TMEM123: variants seen among roughly 807,000 people sequenced by gnomAD.
TMEM123 encodes the protein porimin.
TMEM123 carries 16 observed loss-of-function variants against 19.7 expected under a neutral mutation model. That is an observed-to-expected ratio of 0.81 (90% CI 0.55 to 1.23). The LOEUF (loss-of-function observed/expected upper bound fraction) is 1.23, where lower values mean the gene tolerates loss of function less well. Among genes scored for constraint, TMEM123 ranks in the 50% most tolerant of loss-of-function variants. The probability of loss-of-function intolerance (pLI) is 0.00; values close to 1 mark genes in which losing one functional copy is unlikely to be tolerated. For synonymous variants in TMEM123, 118 were observed against 99.4 expected, an observed-to-expected ratio of 1.19 and a Z score of -1.12; for missense variants, 313 against 257.8, an observed-to-expected ratio of 1.21 and a Z score of -1.47.
At chr11:102,427,266 A>T (rs1952136754) in intron 2 of TMEM123, among the ~76,000 whole-genome samples, 1 of 151,822 alleles carries the variant, frequency 6.6e-6, no homozygotes, top group Admixed American at 6.6e-5. Context: ...CACTTACATG[A>T]ACTCGATCAG....
chr11:102,448,096 C>T (rs1310206707), intron 2 of TMEM123: 2 of 385,598 alleles, frequency 5.2e-6, no homozygotes, highest in Non-Finnish European at 1.0e-5. Flanking sequence ...CATTAGAGTC[C>T]ATAAATATTC....
intron 2 of TMEM123, among the ~76,000 whole-genome samples, chr11:102,405,527 T>C (rs572061045): frequency 6.6e-6 from 1 of 152,332 alleles, no homozygotes; most frequent in South Asian, 2.1e-4. Context: ...AATTTAACAT[T>C]AAAATAATCA....
intron 2 of TMEM123, among the ~76,000 whole-genome samples, chr11:102,412,444 A>G (rs1025391353): frequency 1.1e-4 from 17 of 152,216 alleles, no homozygotes; most frequent in Admixed American, 3.3e-4. Flanking sequence ...AAAAGCAAAC[A>G]GAATCAACAG....
chr11:102,427,723 A>C (rs781696643), intron 2 of TMEM123, among the ~76,000 whole-genome samples: 12 of 151,092 alleles, frequency 7.9e-5, no homozygotes, highest in Non-Finnish European at 1.5e-4. Flanking sequence ...CTGTAGTCCC[A>C]GCTACTAGGG....
At chr11:102,452,499 GC>G (rs1857953272) in intron 1 of TMEM123, 24 bp downstream of exon 1, 2 of 1,491,798 alleles carry the variant, frequency 1.3e-6, no homozygotes, top group Non-Finnish European at 1.8e-6. Context: ...CACGAACGGG[GC>G]TGACGACCCC....
intron 2 of TMEM123, among the ~76,000 whole-genome samples, chr11:102,415,672 A>G (rs1405897719): frequency 6.6e-6 from 1 of 152,246 alleles, no homozygotes; most frequent in Non-Finnish European, 1.5e-5. Flanking sequence ...ACATGGCTAA[A>G]GCAGTGTTAA....
intron 2 of TMEM123, among the ~76,000 whole-genome samples, chr11:102,421,155 G>A (rs1400743189): frequency 2.6e-5 from 4 of 152,226 alleles, no homozygotes; most frequent in African/African-American, 9.6e-5. Context: ...CCTCCACTGG[G>A]TATGTACCAA....
chr11:102,437,654 T>C (rs1857778530), intron 2 of TMEM123, among the ~76,000 whole-genome samples: 1 of 152,106 alleles, frequency 6.6e-6, no homozygotes, highest in South Asian at 2.1e-4. Flanking sequence ...TTATTGTATC[T>C]GCTGTCTTGA....
At chr11:102,414,046 A>G (rs1952025587) in intron 2 of TMEM123, among the ~76,000 whole-genome samples, 1 of 152,242 alleles carries the variant, frequency 6.6e-6, no homozygotes, top group Admixed American at 6.5e-5. Flanking sequence ...TGAAAAATTC[A>G]TGACAAGGAT....
At chr11:102,427,311 T>C (rs1952137257) in intron 2 of TMEM123, among the ~76,000 whole-genome samples, 1 of 152,082 alleles carries the variant, frequency 6.6e-6, no homozygotes, top group South Asian at 2.1e-4. Flanking sequence ...AGCTTTTTGT[T>C]GACTGAATTT....
chr11:102,401,628 A>G lies in TMEM123; in HGVS notation c.513T>C (p.Gly171=), dbSNP rs1318372417. The G allele has an allele frequency of 6.2e-7, 1 of 1,609,056 alleles. No homozygotes were observed. Among genetic ancestry groups the G allele is most frequent in the Admixed American group, 1.7e-5 (1 of 58,490 alleles). ...GSKFDTGSFV[G]GIVLTLGVLS... The stretch of plus-strand genomic sequence containing the variant: ...AAACTCCCAGCGTTAATACAATACC[A>G]CCAACAAAGCTCCCAGTATCAAATT... The change falls in exon 4 of 5, where the codon GGT becomes GGC. Residue 171 remains glycine, a synonymous_variant. Coordinates refer to ENST00000398136, the MANE Select transcript of TMEM123 (RefSeq NM_052932.3).
At chr11:102,421,737 C>G (rs1952088777) in intron 2 of TMEM123, among the ~76,000 whole-genome samples, 1 of 152,066 alleles carries the variant, frequency 6.6e-6, no homozygotes, top group African/African-American at 2.4e-5. Context: ...GTAATGGTAC[C>G]AAACTGAAGA....
intron 2 of TMEM123, among the ~76,000 whole-genome samples, chr11:102,444,615 C>T (rs981380853): frequency 2.0e-5 from 3 of 151,844 alleles, no homozygotes; most frequent in African/African-American, 7.3e-5. Flanking sequence ...GTGCAGCACA[C>T]CAACATGGCA....
At chr11:102,432,588 A>C (rs903181719) in intron 2 of TMEM123, among the ~76,000 whole-genome samples, 3 of 152,232 alleles carry the variant, frequency 2.0e-5, no homozygotes, top group African/African-American at 7.2e-5. Flanking sequence ...AGAAAAGAAA[A>C]CCCATTCTCT....
At chr11:102,443,093 A>C (rs941922093) in intron 2 of TMEM123, among the ~76,000 whole-genome samples, 1 of 152,132 alleles carries the variant, frequency 6.6e-6, no homozygotes, top group African/African-American at 2.4e-5. Context: ...GACAGGAAGA[A>C]TCAATATCGT....
At position 102,422,016 on chromosome 11, in the gene TMEM123, G is replaced by A. The variant is rs373838329; in HGVS notation, c.158-19810C>T. ...TCTGAGCCTGGTGCTCTTGTCATTA[G>A]TTTAGTGTTTCTTAACAAAAATCTA... On this transcript the variant is annotated intron_variant, in intron 2 of 4. Coordinates refer to ENST00000398136, the MANE Select transcript of TMEM123 (RefSeq NM_052932.3). Among the ~76,000 whole-genome samples, 164 of 152,288 alleles carry A rather than the reference G, an allele frequency of 1.1e-3. 2 individuals are homozygous for A. The highest frequency in any genetic ancestry group is 3.9e-3 in the African/African-American group (162 of 41,564).
Position 102,405,602 on chromosome 11 carries a change from G to A in TMEM123, c.158-3396C>T, listed in dbSNP as rs77644209. ...AAATTAAATACAGCAAAGAACCAAC[G>A]TTTATATCCTATCTTTAGAATAGAA... On this transcript the variant is annotated intron_variant, in intron 2 of 4. Coordinates refer to ENST00000398136, the MANE Select transcript of TMEM123 (RefSeq NM_052932.3). 1.2e-3 allele frequency among the ~76,000 whole-genome samples: 189 copies of A among 152,158 alleles called. 2 individuals are homozygous for A. Among genetic ancestry groups the A allele is most frequent in the African/African-American group, 4.4e-3 (183 of 41,522 alleles).
At chr11:102,419,696 C>T (rs985387031) in intron 2 of TMEM123, among the ~76,000 whole-genome samples, 1 of 152,162 alleles carries the variant, frequency 6.6e-6, no homozygotes, top group African/African-American at 2.4e-5. Flanking sequence ...GAATAAGGAA[C>T]AGATTTATTT....
At chr11:102,413,500 T>C (rs144752863) in intron 2 of TMEM123, among the ~76,000 whole-genome samples, 13 of 152,286 alleles carry the variant, frequency 8.5e-5, no homozygotes, top group Non-Finnish European at 1.5e-4. Flanking sequence ...TTATTGCCAG[T>C]GGACCAGGAA....
Sources: gnomAD v4.1 joint callset for allele counts (sites outside exome capture counted in the v4.1 genomes callset) on GRCh38, gnomAD v4.1.1 for gene constraint, MANE v1.5 for transcripts, NCBI Gene and HGNC (gene_info 2026-07-23, HGNC 2026-07-21) for gene names.